Variants in ZFR2 observed in about 807,000 individuals in gnomAD.
The protein encoded by ZFR2 is zinc finger RNA-binding protein 2.
A neutral mutation model predicts 105.7 loss-of-function variants in ZFR2; 104 were observed. The observed-to-expected ratio is 0.98, with a 90% CI of 0.84 to 1.16. The LOEUF is 1.16. Ranked by LOEUF, ZFR2 falls within the 50% of genes most tolerant of loss-of-function variation. The pLI is 0.00. For synonymous variants in ZFR2, 634 were observed against 597.7 expected (o/e 1.06, Z -0.89); for missense variants, 1,425 against 1,355.5 (o/e 1.05, Z -0.80).
intron 1 of ZFR2, among the ~76,000 whole-genome samples, chr19:3,862,399 G>C (rs1279020783): frequency 1.3e-5 from 2 of 152,138 alleles, no homozygotes; most frequent in Admixed American, 6.6e-5. Context: ...CCGGATTCAA[G>C]CGATTCTCCT....
intron 5 of ZFR2, among the ~76,000 whole-genome samples, 200 bp downstream of exon 5, chr19:3,831,103 A>ACACG (rs2038009183): frequency 6.6e-6 from 1 of 152,088 alleles, no homozygotes; most frequent in East Asian, 1.9e-4. Context: ...ATGCATAAAC[A>ACACG]CACGCACACA....
chr19:3,831,498 A>C lies in ZFR2; in HGVS notation c.657T>G (p.Pro219=), dbSNP rs775061866. The C allele has an allele frequency of 6.0e-5, 93 of 1,552,684 alleles. 1 individual carries two copies. The Admixed American group carries it at 1.0e-3, about 17-fold the overall frequency. ...CCGGGGGAGGCGGGGGCTGCGCTGG[A>C]GGATAGAAAGGGCTGGCAGCGGAGT... ...SVYSAASPFY[P]PAQPPPPPGP... The change falls in exon 5 of 19, where the codon CCT becomes CCG. Residue 219 remains proline (P), a synonymous_variant. Coordinates refer to ENST00000262961, the MANE Select transcript of ZFR2 (RefSeq NM_015174.2).
chr19:3,834,899 G>A lies in ZFR2; in HGVS notation c.138C>T (p.Asn46=). The A allele has an allele frequency of 6.2e-7, 1 of 1,611,824 alleles. No homozygotes were observed. The highest frequency in any genetic ancestry group is 8.5e-7 in the Non-Finnish European group (1 of 1,179,114). The change falls in exon 2 of 19, where the codon AAC becomes AAT. Residue 46 remains asparagine (N), a synonymous_variant. Coordinates refer to ENST00000262961, the MANE Select transcript of ZFR2 (RefSeq NM_015174.2). The surrounding 1 kb of genome is among the most constrained non-coding windows in gnomAD (Gnocchi z 5.3). ...QPTPGMDPAV[N]PAFPPAAPAG... ...CCGGGGCAGCTGGGGGAAAGGCCGG[G>A]TTCACGGCAGGGTCCATCCCAGGAG...
Position 3,868,974 on chromosome 19 carries a change from G to C in ZFR2, c.44C>G (p.Pro15Arg), listed in dbSNP as rs980917755. Reference sequence around the variant, plus strand: ...GCGGCGGGGCAGTTACCTGTACTGCGGGCCGCCGCCCTGCGCGAAGTCGAA... The same window carrying C: ...GCGGCGGGGCAGTTACCTGTACTGCCGGCCGCCGCCCTGCGCGAAGTCGAA... ...QYFDFAQGGGPQYSAQPPTLP... is the reference protein window; with the variant it reads ...QYFDFAQGGGRQYSAQPPTLP... Residue 15 changes from proline to arginine, a missense_variant, in exon 1 of 19, where the codon CCG (proline) becomes CGG (arginine). Physicochemically the swap from Pro to Arg is moderately radical, Grantham distance 103. Transcript: ENST00000262961. 18 of 1,356,030 alleles carry C rather than the reference G, an allele frequency of 1.3e-5. No individual in the cohort carries two copies. The highest frequency in any genetic ancestry group is 1.7e-5 in the Non-Finnish European group (18 of 1,044,296). The allele number at this position is 1,356,030 out of a possible 1,614,324, so 84.0% of individuals were successfully genotyped here. A position where few individuals can be genotyped will look rare whatever the true frequency, so the allele number is the denominator to read the frequency against.
chr19:3,852,279 T>C, intron 1 of ZFR2: 1 of 604,898 alleles, frequency 1.7e-6, no homozygotes, highest in Non-Finnish European at 3.0e-6. Context: ...TGGGTGGCTC[T>C]CCTGGCTGAG....
At chr19:3,851,644 GA>G (rs2038239167) in intron 1 of ZFR2, among the ~76,000 whole-genome samples, 1 of 152,234 alleles carries the variant, frequency 6.6e-6, no homozygotes, top group Non-Finnish European at 1.5e-5. Context: ...GGAGGGGACA[GA>G]AGGGTTTTTA....
At chr19:3,825,432 C>A in intron 6 of ZFR2, 25 bp from the exon 7 acceptor site, 1 of 1,547,382 alleles carries the variant, frequency 6.5e-7, no homozygotes, top group East Asian at 2.4e-5. Context: ...GCCGGGCTCC[C>A]GCGTGAGGGC....
At chr19:3,810,030 A>C (rs973717888) in intron 16 of ZFR2, among the ~76,000 whole-genome samples, 1 of 152,224 alleles carries the variant, frequency 6.6e-6, no homozygotes, top group African/African-American at 2.4e-5. Flanking sequence ...CCTCTGTACC[A>C]TGCTGCATTC....
chr19:3,813,317 C>T lies in ZFR2; in HGVS notation c.2242+503G>A, dbSNP rs1599221764. Among the ~76,000 whole-genome samples, 2 of 152,174 alleles carry T rather than the reference C, an allele frequency of 1.3e-5. No individual in the cohort carries two copies. Among genetic ancestry groups the T allele is most frequent in the Non-Finnish European group, 2.9e-5 (2 of 68,022 alleles). On this transcript the variant is annotated intron_variant, in intron 14 of 18. Transcript: ENST00000262961. The surrounding 1 kb of genome is among the most constrained non-coding windows in gnomAD (Gnocchi z 4.4). Reference sequence around the variant, plus strand: ...GGCCGCTGGCCAAGACCCTCGCTGCCCCTAGCCTGGCCCGGCCCCTCACCC... The same window carrying T: ...GGCCGCTGGCCAAGACCCTCGCTGCTCCTAGCCTGGCCCGGCCCCTCACCC...
chr19:3,823,328 C>A lies in ZFR2; in HGVS notation c.1289G>T (p.Gly430Val). The A allele has an allele frequency of 6.2e-7, 1 of 1,613,998 alleles. No individual in the cohort carries two copies. Among genetic ancestry groups the A allele is most frequent in the Non-Finnish European group, 8.5e-7 (1 of 1,179,876 alleles). Residue 430 changes from glycine (G) to valine (V), a missense_variant, in exon 8 of 19, where the codon GGA becomes GTA. Coordinates refer to ENST00000262961, the MANE Select transcript of ZFR2 (RefSeq NM_015174.2). The surrounding 1 kb of genome is among the most constrained non-coding windows in gnomAD (Gnocchi z 5.4). ...KPAQPKLEGP[G>V]APTQGGSKEA... The stretch of plus-strand genomic sequence containing the variant: ...CTTTGAGCCTCCTTGGGTAGGTGCT[C>A]CGGGACCCTCTAATTTAGGTTGGGC...
chr19:3,855,567 A>G (rs1568432672), intron 1 of ZFR2: 16 of 706,558 alleles, frequency 2.3e-5, no homozygotes, highest in Non-Finnish European at 2.7e-5. Flanking sequence ...GTGCTGCGCG[A>G]TAGTCCAGGG....
rs538094451 is a variant in ZFR2, at chr19:3,810,834, G to A, written c.2349C>T (p.Ser783=). The part of the protein sequence containing the change: ...RHARWFQARA[S]GLQPCVIVIR... ...TGACGATCACGCATGGCTGCAGGCC[G>A]CTGGCTCGAGCCTTCGGGGGAGAAG... The change falls in exon 16 of 19, where the codon AGC becomes AGT. Residue 783 remains serine (S), a synonymous_variant. Coordinates refer to ENST00000262961, the MANE Select transcript of ZFR2 (RefSeq NM_015174.2). The A allele has an allele frequency of 1.3e-4, 206 of 1,550,090 alleles. No homozygotes were observed. The Admixed American group carries it at 2.2e-3, about 17-fold the overall frequency.
At chr19:3,833,282 G>T (rs2038039303) in intron 3 of ZFR2, among the ~76,000 whole-genome samples, 2 of 138,942 alleles carry the variant, frequency 1.4e-5, no homozygotes, top group African/African-American at 2.7e-5. Flanking sequence ...GAAAAGAAAA[G>T]ATGTAACTTT....
intron 8 of ZFR2, 106 bp from the exon 9 acceptor site, chr19:3,822,306 T>C: frequency 6.7e-7 from 1 of 1,481,548 alleles, no homozygotes; most frequent in Non-Finnish European, 9.1e-7. Context: ...CTGCTCATTT[T>C]ATTTATGTAT....
At position 3,838,049 on chromosome 19, in the gene ZFR2, C is replaced by A. The variant is rs1220500699; in HGVS notation, c.54-3066G>T. Among the ~76,000 whole-genome samples, 1 of 151,060 alleles carries A rather than the reference C, an allele frequency of 6.6e-6. No homozygotes were observed. Among genetic ancestry groups the A allele is most frequent in the African/African-American group, 2.4e-5 (1 of 40,984 alleles). ...CCGTGACTGTGACACACGATGAACA[C>A]CATGACCGTGACACGTGATGAACAC... On this transcript the variant is annotated intron_variant, in intron 1 of 18. Coordinates refer to ENST00000262961, the MANE Select transcript of ZFR2 (RefSeq NM_015174.2). This position sits in a 1 kb window ranked among gnomAD's most constrained non-coding sequence, Gnocchi z 4.9.
In ZFR2 at chr19:3,819,102, G is replaced by T; in HGVS notation, c.1874C>A (p.Ser625Tyr). The T allele has an allele frequency of 3.1e-6, 5 of 1,612,364 alleles. No homozygotes were observed. The highest frequency in any genetic ancestry group is 4.2e-6 in the Non-Finnish European group (5 of 1,179,794). Residue 625 changes from serine to tyrosine, a missense_variant, in exon 12 of 19, where the codon TCC becomes TAC. Coordinates refer to ENST00000262961, the MANE Select transcript of ZFR2 (RefSeq NM_015174.2). ...SHAERALKLV[S>Y]DTLAEEDRGR... ...CCGGTCCTCCTCGGCCAGTGTGTCG[G>T]ACACCAGCTTGAGGGCCCGCTCTGC...
At chr19:3,850,451 C>A (rs185285611) in intron 1 of ZFR2, among the ~76,000 whole-genome samples, 2 of 152,144 alleles carry the variant, frequency 1.3e-5, no homozygotes, top group East Asian at 1.9e-4. Context: ...TGAATTACGT[C>A]CCCCTGCCCC....
chr19:3,820,091 TG>T, intron 11 of ZFR2, 90 bp downstream of exon 11: 5 of 1,280,784 alleles, frequency 3.9e-6, no homozygotes, highest in South Asian at 1.3e-5. Flanking sequence ...ATGTGGGAGT[TG>T]GGGGGAGGCC....
In ZFR2 at chr19:3,808,918, T is replaced by A; in HGVS notation, c.2499A>T (p.Ala833=). 2 of 1,571,038 alleles carry A rather than the reference T, an allele frequency of 1.3e-6. No individual in the cohort carries two copies. The highest frequency in any genetic ancestry group is 1.7e-6 in the Non-Finnish European group (2 of 1,160,604). ...SAAGPLGPGD[A]VRRVLECVAT... ...CCACGCACTCCAGGACTCGCCTGACTGCATCCCCGGGGCCCAGGGGCCCAG... is the reference window on the plus strand; with the variant it reads ...CCACGCACTCCAGGACTCGCCTGACAGCATCCCCGGGGCCCAGGGGCCCAG... The change falls in exon 17 of 19, where the codon GCA becomes GCT. Residue 833 remains alanine, a synonymous_variant. Coordinates refer to ENST00000262961, the MANE Select transcript of ZFR2 (RefSeq NM_015174.2).
Sources: allele counts gnomAD v4.1 joint callset (sites outside exome capture counted in the v4.1 genomes callset), GRCh38; gene constraint gnomAD v4.1.1; non-coding constraint Gnocchi (gnomAD v3.1); transcripts MANE v1.5; gene names NCBI Gene and HGNC (gene_info 2026-07-23, HGNC 2026-07-21).